SLC22A14: variants seen among roughly 807,000 people sequenced by gnomAD.
The protein encoded by SLC22A14 is solute carrier family 22 member 14.
In SLC22A14, 50 loss-of-function variants were observed where a neutral mutation model predicts 53.9. The observed-to-expected ratio is 0.93, with a 90% CI of 0.74 to 1.17. The LOEUF is 1.17. Among genes scored for constraint, SLC22A14 ranks in the 50% most tolerant of loss-of-function variants. SLC22A14 has a pLI of 0.00. For missense variants in SLC22A14, 671 were observed against 734.7 expected, an observed-to-expected ratio of 0.91 and a Z score of 1.00; for synonymous variants, 312 against 303.0, an observed-to-expected ratio of 1.03 and a Z score of -0.31.
chr3:38,305,780 A>G (rs778943315), intron 1 of SLC22A14: 20 of 516,314 alleles, frequency 3.9e-5, no homozygotes, highest in Non-Finnish European at 6.1e-5. Context: ...CTTCATGACA[A>G]CAGAAGCACA....
At chr3:38,279,850 T>C (rs1170139327), upstream of SLC22A14, among the ~76,000 whole-genome samples, 1 of 152,146 alleles carries the variant, frequency 6.6e-6, no homozygotes, top group Non-Finnish European at 1.5e-5. Context: ...CCTAAACATT[T>C]AGTCCAGGTG....
chr3:38,281,933 C>A (rs1411450730), upstream of SLC22A14, among the ~76,000 whole-genome samples: 2 of 152,160 alleles, frequency 1.3e-5, no homozygotes, highest in African/African-American at 2.4e-5. Context: ...CCCGGCAGCT[C>A]TGACCAAGGC....
chr3:38,304,704 C>A (rs1704256366), intron 1 of SLC22A14, among the ~76,000 whole-genome samples: 1 of 152,186 alleles, frequency 6.6e-6, no homozygotes, highest in African/African-American at 2.4e-5. Context: ...GCCTTCTCTC[C>A]AGCTGATTTT....
intron 1 of SLC22A14, among the ~76,000 whole-genome samples, chr3:38,300,439 CA>C (rs539149719): frequency 2.0e-4 from 30 of 150,000 alleles, no homozygotes; most frequent in East Asian, 9.7e-4. Flanking sequence ...GACTTCATCT[CA>C]AAAAAAAATG....
chr3:38,288,442 G>T (rs886775580), intron 1 of SLC22A14, among the ~76,000 whole-genome samples: 2 of 152,136 alleles, frequency 1.3e-5, no homozygotes, highest in Non-Finnish European at 2.9e-5. Flanking sequence ...TTTTGTGTAT[G>T]TACCCAGAAT....
chr3:38,305,841 T>C (rs988835264), intron 1 of SLC22A14, 186 bp from the exon 2 acceptor site: 5 of 614,756 alleles, frequency 8.1e-6, no homozygotes, highest in Admixed American at 3.0e-5. Flanking sequence ...TCCAGGATGG[T>C]TGGGCCAGGG....
At chr3:38,317,963 T>G (rs900159663) in intron 10 of SLC22A14, among the ~76,000 whole-genome samples, 1 of 152,162 alleles carries the variant, frequency 6.6e-6, no homozygotes, top group African/African-American at 2.4e-5. Flanking sequence ...ATGCTAGCAG[T>G]GAAGATGGTG....
At chr3:38,299,330 A>G (rs1704110169) in intron 1 of SLC22A14, among the ~76,000 whole-genome samples, 1 of 151,988 alleles carries the variant, frequency 6.6e-6, no homozygotes, top group Non-Finnish European at 1.5e-5. Flanking sequence ...ATTTTCACCC[A>G]TTCCCACCCA....
chr3:38,292,726 A>G (rs1703940020), intron 1 of SLC22A14, among the ~76,000 whole-genome samples: 2 of 152,062 alleles, frequency 1.3e-5, no homozygotes, highest in Admixed American at 6.6e-5. Context: ...CTTCAGGATT[A>G]ATTCCTTCCT....
upstream of SLC22A14, among the ~76,000 whole-genome samples, chr3:38,280,170 GCCT>G (rs1360709112): frequency 1.3e-5 from 2 of 152,122 alleles, no homozygotes; most frequent in Non-Finnish European, 2.9e-5. Context: ...GACTTTCCAG[GCCT>G]CCTCTTTCCT....
Position 38,316,385 on chromosome 3 carries a change from A to T in SLC22A14, c.1594A>T (p.Ile532Phe). The change falls in exon 10 of 11, where the codon ATC (isoleucine) becomes TTC (phenylalanine). Residue 532 changes from isoleucine to phenylalanine, a missense_variant. Coordinates refer to ENST00000448498, the MANE Select transcript of SLC22A14 (RefSeq NM_001320033.2). ...SVAGAILSLT[I>F]ISQTPSLLPI... ...GGCTGGAGCCATCTTGTCCCTGACA[A>T]TCATCAGCCAGACCCCCTCCCTCCT... is the stretch of plus-strand genomic sequence containing the variant. The T allele has an allele frequency of 6.2e-7, 1 of 1,614,076 alleles. No individual in the cohort carries two copies. Among genetic ancestry groups the T allele is most frequent in the Non-Finnish European group, 8.5e-7 (1 of 1,180,014 alleles).
At chr3:38,295,365 A>G (rs186524595) in intron 1 of SLC22A14, among the ~76,000 whole-genome samples, 22 of 152,388 alleles carry the variant, frequency 1.4e-4, no homozygotes, top group Admixed American at 1.0e-3. Flanking sequence ...TGTGCTCACA[A>G]TGAGGTTTCC....
At chr3:38,314,738 G>A (rs1037580075) in intron 8 of SLC22A14, among the ~76,000 whole-genome samples, 11 of 152,224 alleles carry the variant, frequency 7.2e-5, no homozygotes, top group African/African-American at 9.7e-5. Context: ...CCAGATGCTG[G>A]CAGTGTAGAT....
At chr3:38,313,179 C>A in intron 6 of SLC22A14, 60 bp downstream of exon 6, 1 of 1,591,020 alleles carries the variant, frequency 6.3e-7, no homozygotes, top group East Asian at 2.3e-5. Flanking sequence ...GGCCCCTTCC[C>A]TCCTCATCCT....
chr3:38,289,602 A>G (rs1300330067), intron 1 of SLC22A14, among the ~76,000 whole-genome samples: 1 of 152,220 alleles, frequency 6.6e-6, no homozygotes, highest in African/African-American at 2.4e-5. Flanking sequence ...GAAGAGAACC[A>G]TGAAACCCAG....
chr3:38,297,526 G>A (rs1704067815), intron 1 of SLC22A14, among the ~76,000 whole-genome samples: 3 of 152,092 alleles, frequency 2.0e-5, no homozygotes, highest in African/African-American at 7.2e-5. Flanking sequence ...ACAGGTAAAT[G>A]TGTCCCATGG....
chr3:38,282,056 T>C (rs1053003763), upstream of SLC22A14, among the ~76,000 whole-genome samples: 1 of 152,164 alleles, frequency 6.6e-6, no homozygotes, highest in South Asian at 2.1e-4. Flanking sequence ...AAATGAGTGA[T>C]ATCTGGAAGG....
Position 38,307,184 on chromosome 3 carries a change from G to T in SLC22A14, c.517-70G>T. ...GGTCCCCTTGGCCTATAGGTCCCAC[G>T]CTGGGATGAGTCTCAGTCTCTGGAC... On this transcript the variant is annotated intron_variant, in intron 2 of 10. Coordinates refer to ENST00000448498, the MANE Select transcript of SLC22A14 (RefSeq NM_001320033.2). The surrounding 1 kb of genome is among the most constrained non-coding windows in gnomAD (Gnocchi z 4.4). 9.3e-7 allele frequency: 1 copy of T among 1,079,246 alleles called. No homozygotes were observed. The highest frequency in any genetic ancestry group is 1.4e-6 in the Non-Finnish European group (1 of 691,554). The allele number at this position is 1,079,246 out of a possible 1,614,324, so 66.9% of individuals were successfully genotyped here.
At chr3:38,308,857 G>A (rs1263804422) in intron 4 of SLC22A14, 97 bp from the exon 5 acceptor site, 2 of 1,115,834 alleles carry the variant, frequency 1.8e-6, no homozygotes, top group Non-Finnish European at 2.7e-6. Context: ...GATCTCAACT[G>A]TCCAGAGCAG....
Sources: gnomAD v4.1 joint callset for allele counts (sites outside exome capture counted in the v4.1 genomes callset) on GRCh38, gnomAD v4.1.1 for gene constraint, Gnocchi (gnomAD v3.1) non-coding constraint, MANE v1.5 for transcripts, NCBI Gene and HGNC (gene_info 2026-07-23, HGNC 2026-07-21) for gene names.